ARSI: variants seen among roughly 807,000 people sequenced by gnomAD.
ARSI encodes arylsulfatase family member I.
ARSI carries 37 observed loss-of-function variants against 42.1 expected under a neutral mutation model. The ratio of observed to expected loss-of-function variants is 0.88; its 90% CI spans 0.68 to 1.16. The LOEUF (loss-of-function observed/expected upper bound fraction) is 1.16. Ranked by LOEUF, ARSI falls within the 50% of genes most tolerant of loss-of-function variation. The probability of loss-of-function intolerance (pLI) is 0.00; values close to 1 mark genes in which losing one functional copy is unlikely to be tolerated. For missense variants in ARSI, 725 were observed against 790.1 expected (o/e 0.92, Z 0.99); for synonymous variants, 305 against 320.3 (o/e 0.95, Z 0.51).
rs1757827868 is a variant in ARSI, at chr5:150,297,487, G to A, written c.1437C>T (p.Gly479=). The A allele has an allele frequency of 1.2e-6, 2 of 1,613,770 alleles. No homozygotes were observed. The highest frequency in any genetic ancestry group is 1.7e-6 in the Non-Finnish European group (2 of 1,179,858). Residue 479 remains glycine, a synonymous_variant, in exon 2 of 2, where the codon GGC becomes GGT. Coordinates refer to ENST00000328668, the MANE Select transcript of ARSI (RefSeq NM_001012301.4). The surrounding 1 kb of genome is among the most constrained non-coding windows in gnomAD (Gnocchi z 7.0). ...ADPYEREDLA[G]QRPDVVRTLL... ...GGGTGCGGACCACATCAGGCCGCTG[G>A]CCAGCCAGGTCCTCCCGTTCATAAG...
At position 150,302,436 on chromosome 5, in the gene ARSI, C is replaced by T. The variant is rs1757938847; in HGVS notation, c.-63G>A. 1 of 1,277,234 alleles carries T rather than the reference C, an allele frequency of 7.8e-7. No individual in the cohort carries two copies. The highest frequency in any genetic ancestry group is 3.9e-5 in the Admixed American group (1 of 25,326). 79.1% of individuals were successfully genotyped at this position (1,277,234 alleles called of 1,614,324 possible). A position where few individuals can be genotyped will look rare whatever the true frequency, so the allele number is the denominator to read the frequency against. On this transcript the variant is annotated 5_prime_UTR_variant, in exon 1 of 2. Coordinates refer to ENST00000328668, the MANE Select transcript of ARSI (RefSeq NM_001012301.4). The surrounding 1 kb of genome is among the most constrained non-coding windows in gnomAD (Gnocchi z 6.1). ...CTGGGGCCTCACCACCTCGCGCGCC[C>T]AGGGCGCACCACCGGCCCGCCGGCT...
intron 1 of ARSI, among the ~76,000 whole-genome samples, chr5:150,301,736 G>C (rs1757922225): frequency 6.6e-6 from 1 of 152,178 alleles, no homozygotes; most frequent in Non-Finnish European, 1.5e-5. Context: ...GACTTGCTCA[G>C]GGTCTCGGGG....
Position 150,298,030 on chromosome 5 carries a change from A to G in ARSI, c.894T>C (p.Asn298=), listed in dbSNP as rs77878118. 2.9e-3 allele frequency: 4,706 copies of G among 1,612,450 alleles called. 178 individuals are homozygous for G. In the East Asian group the frequency reaches 0.072, roughly 25 times the overall value. The change falls in exon 2 of 2, where the codon AAT becomes AAC. Residue 298 remains asparagine (N), a synonymous_variant. Coordinates refer to ENST00000328668, the MANE Select transcript of ARSI (RefSeq NM_001012301.4). ...NNSVIIFSSD[N]GGQTFSGGSN... is the part of the protein sequence containing the mutation. Reference sequence around the variant, plus strand: ...TGCCCCCCGAGAAAGTCTGGCCACCATTGTCACTGGAGAAGATGATGACAC... The same window carrying G: ...TGCCCCCCGAGAAAGTCTGGCCACCGTTGTCACTGGAGAAGATGATGACAC...
rs11956439 is a variant in ARSI at position 150,300,605 on chromosome 5, C to T, written c.311+1458G>A. Reference sequence around the variant, plus strand: ...TCACAAGAGAAACTTTGCCTCTCTCCAGTGTCACAAAACACAACTGGATGT... The same window carrying T: ...TCACAAGAGAAACTTTGCCTCTCTCTAGTGTCACAAAACACAACTGGATGT... On this transcript the variant is annotated intron_variant, in intron 1 of 1. Transcript: ENST00000328668. Among the ~76,000 whole-genome samples the T allele has an allele frequency of 8.5e-3, 1,292 of 152,262 alleles. 19 individuals carry two copies. Among genetic ancestry groups the T allele is most frequent in the African/African-American group, 0.029 (1,211 of 41,532 alleles).
At position 150,297,000 on chromosome 5, in the gene ARSI, C is replaced by T; in HGVS notation, c.*214G>A. On this transcript the variant is annotated 3_prime_UTR_variant, in exon 2 of 2. Coordinates refer to ENST00000328668, the MANE Select transcript of ARSI (RefSeq NM_001012301.4). ...ATGTGGGTCACCTGAGGTCACAGAG[C>T]AAGTCCGTGAGGAGGCAGGACTGAG... 1 of 483,636 alleles carries T rather than the reference C, an allele frequency of 2.1e-6. No homozygotes were observed. Among genetic ancestry groups the T allele is most frequent in the East Asian group, 3.4e-5 (1 of 29,470 alleles). The allele number at this position is 483,636 out of a possible 1,614,324, so 30.0% of individuals were successfully genotyped here. A position where few individuals can be genotyped will look rare whatever the true frequency, so the allele number is the denominator to read the frequency against.
chr5:150,300,970 G>C (rs1757910155), intron 1 of ARSI, among the ~76,000 whole-genome samples: 1 of 152,058 alleles, frequency 6.6e-6, no homozygotes, highest in Non-Finnish European at 1.5e-5. Flanking sequence ...CTGATTCCTG[G>C]ATCTAAACGC....
rs375260459 is a variant in ARSI, at chr5:150,301,008, C to T, written c.311+1055G>A. On this transcript the variant is annotated intron_variant, in intron 1 of 1. Coordinates refer to ENST00000328668, the MANE Select transcript of ARSI (RefSeq NM_001012301.4). ...GGTGCCAGATCGAAGGAACAAAGGA[C>T]GCCATTTGATGCCCAGCTCCGGGAC... Among the ~76,000 whole-genome samples, 38 of 152,274 alleles carry T rather than the reference C, an allele frequency of 2.5e-4. 1 individual carries two copies. Among genetic ancestry groups the T allele is most frequent in the African/African-American group, 8.9e-4 (37 of 41,562 alleles).
chr5:150,298,027 A>G lies in ARSI; in HGVS notation c.897T>C (p.Gly299=), dbSNP rs1168506183. ...TGCTGCCCCCCGAGAAAGTCTGGCC[A>G]CCATTGTCACTGGAGAAGATGATGA... The part of the protein sequence containing the change: ...NSVIIFSSDN[G]GQTFSGGSNW... The change falls in exon 2 of 2, where the codon GGT becomes GGC. Residue 299 remains glycine, a synonymous_variant. Coordinates refer to ENST00000328668, the MANE Select transcript of ARSI (RefSeq NM_001012301.4). 1 of 1,612,424 alleles carries G rather than the reference A, an allele frequency of 6.2e-7. No individual in the cohort carries two copies. The highest frequency in any genetic ancestry group is 1.3e-5 in the African/African-American group (1 of 74,806).
At position 150,297,204 on chromosome 5, in the gene ARSI, C is replaced by A; in HGVS notation, c.*10G>T. 6.5e-7 allele frequency: 1 copy of A among 1,547,990 alleles called. No individual in the cohort carries two copies. Among genetic ancestry groups the A allele is most frequent in the South Asian group, 1.3e-5 (1 of 78,702 alleles). On this transcript the variant is annotated 3_prime_UTR_variant, in exon 2 of 2. Transcript: ENST00000328668. This position sits in a 1 kb window ranked among gnomAD's most constrained non-coding sequence, Gnocchi z 7.0. ...GATCCTCTAAAGGACAGTTTTCTCC[C>A]TCCCCACCATCAGATCCGTTGGGAC...
In ARSI at chr5:150,296,460, AT is replaced by A. The variant is rs1484043292; in HGVS notation, c.*753del. 1.3e-5 allele frequency: 2 copies of A among 152,302 alleles called. No individual in the cohort carries two copies. The highest frequency in any genetic ancestry group is 2.9e-5 in the Non-Finnish European group (2 of 68,072). 9.4% of individuals were successfully genotyped at this position (152,302 alleles called of 1,614,324 possible). A position where few individuals can be genotyped will look rare whatever the true frequency, so the allele number is the denominator to read the frequency against. On this transcript the variant is annotated 3_prime_UTR_variant, in exon 2 of 2. Coordinates refer to ENST00000328668, the MANE Select transcript of ARSI (RefSeq NM_001012301.4). ...GGCATCCCCACTTGCAGGTGGGGAA[AT>A]CAAGGCCTAGAGGGCAAGAACTGTG... is the stretch of plus-strand genomic sequence containing the variant.
In ARSI at chr5:150,300,625, G is replaced by GT. The variant is rs1757903151; in HGVS notation, c.311+1437_311+1438insA. ...CTCTCCAGTGTCACAAAACACAACT[G>GT]GATGTGTTAACAAACACTAACGAGG... On this transcript the variant is annotated intron_variant, in intron 1 of 1. Transcript: ENST00000328668. Among the ~76,000 whole-genome samples the GT allele has an allele frequency of 7.2e-5, 11 of 152,168 alleles. 1 individual carries two copies. The highest frequency in any genetic ancestry group is 6.5e-4 in the Admixed American group (10 of 15,282).
intron 1 of ARSI, among the ~76,000 whole-genome samples, chr5:150,300,569 C>T (rs896557443): frequency 4.6e-5 from 7 of 152,218 alleles, no homozygotes; most frequent in Admixed American, 4.6e-4. Flanking sequence ...CAAAGCCCAC[C>T]TGCAAGTGAG....
chr5:150,299,315 T>C (rs745755163), intron 1 of ARSI, among the ~76,000 whole-genome samples: 1 of 152,356 alleles, frequency 6.6e-6, no homozygotes, highest in Non-Finnish European at 1.5e-5. Flanking sequence ...TAGTCACTTT[T>C]GCTTCTGGGT....
Position 150,298,223 on chromosome 5 carries a change from G to C in ARSI, c.701C>G (p.Ala234Gly). ...SPQRPLFLYV[A>G]FQAVHTPLQS... ...CAGGGGTGTGTGTACTGCCTGGAAG[G>C]CCACATAGAGGAAGAGGGGACGCTG... Residue 234 changes from alanine (A) to glycine (G), a missense_variant, in exon 2 of 2, where the codon GCC (alanine) becomes GGC (glycine). Ala to Gly is a moderately conservative substitution (Grantham distance 60). Coordinates refer to ENST00000328668, the MANE Select transcript of ARSI (RefSeq NM_001012301.4). 3.1e-6 allele frequency: 5 copies of C among 1,614,144 alleles called. No homozygotes were observed. Among genetic ancestry groups the C allele is most frequent in the Non-Finnish European group, 4.2e-6 (5 of 1,180,032 alleles).
rs1484585444 is a variant in ARSI at position 150,297,136 on chromosome 5, G to A, written c.*78C>T. 4 of 1,443,372 alleles carry A rather than the reference G, an allele frequency of 2.8e-6. No individual in the cohort carries two copies. The highest frequency in any genetic ancestry group is 1.8e-4 in the Middle Eastern group (1 of 5,476). 89.4% of individuals were successfully genotyped at this position (1,443,372 alleles called of 1,614,324 possible). A position where few individuals can be genotyped will look rare whatever the true frequency, so the allele number is the denominator to read the frequency against. On this transcript the variant is annotated 3_prime_UTR_variant, in exon 2 of 2. Transcript: ENST00000328668. This position sits in a 1 kb window ranked among gnomAD's most constrained non-coding sequence, Gnocchi z 7.0. ...ACTCCCTGTAGATGGAGATGTGACA[G>A]GCTTCTCCCTGAGAAACAGCAGGGC...
chr5:150,297,836 G>A lies in ARSI; in HGVS notation c.1088C>T (p.Ser363Leu). 1 of 1,610,190 alleles carries A rather than the reference G, an allele frequency of 6.2e-7. No homozygotes were observed. Among genetic ancestry groups the A allele is most frequent in the Non-Finnish European group, 8.5e-7 (1 of 1,178,340 alleles). ...GTAGCCATCTAGCCCATCGGCTGCT[G>A]AGGTGGTACCACCTGCCAGACCCAC... ...TLVGLAGGTT[S>L]AADGLDGYDV... The change falls in exon 2 of 2, where the codon TCA becomes TTA. Residue 363 changes from serine (S) to leucine (L), a missense_variant. Physicochemically the swap from Ser to Leu is moderately radical, Grantham distance 145 (BLOSUM62 -2). Coordinates refer to ENST00000328668, the MANE Select transcript of ARSI (RefSeq NM_001012301.4). The surrounding 1 kb of genome is among the most constrained non-coding windows in gnomAD (Gnocchi z 7.0).
Position 150,298,296 on chromosome 5 carries a change from T to C in ARSI, c.628A>G (p.Met210Val). 2 of 1,613,432 alleles carry C rather than the reference T, an allele frequency of 1.2e-6. No homozygotes were observed. The highest frequency in any genetic ancestry group is 1.7e-6 in the Non-Finnish European group (2 of 1,179,792). ...AWGLSGQYST[M>V]LYAQRASHIL... ...TGGCTGGCGCGCTGGGCATAAAGCA[T>C]AGTGGAGTACTGGCCGCTGAGCCCC... The change falls in exon 2 of 2, where the codon ATG becomes GTG. Residue 210 changes from methionine (M) to valine (V), a missense_variant. Transcript: ENST00000328668.
In ARSI at chr5:150,298,600, G is replaced by A. The variant is rs770342349; in HGVS notation, c.324C>T (p.His108=). 1 of 1,606,706 alleles carries A rather than the reference G, an allele frequency of 6.2e-7. No homozygotes were observed. Among genetic ancestry groups the A allele is most frequent in the Admixed American group, 1.7e-5 (1 of 59,780 alleles). Residue 108 remains histidine (H), a synonymous_variant, in exon 2 of 2, where the codon CAC becomes CAT. Coordinates refer to ENST00000328668, the MANE Select transcript of ARSI (RefSeq NM_001012301.4). ...SQLLTGRYQI[H]TGLQHSIIRP... is the part of the protein sequence containing the mutation. Reference sequence around the variant, plus strand: ...GGATGATGGAATGCTGGAGTCCTGTGTGGATCTGGTACCTGGTGGGGAGGA... The same window carrying A: ...GGATGATGGAATGCTGGAGTCCTGTATGGATCTGGTACCTGGTGGGGAGGA...
Position 150,297,820 on chromosome 5 carries a change from T to C in ARSI, c.1104A>G (p.Leu368=). ...AGGTTSAADG[L]DGYDVWPAIS... ...TGGCCGGCCACACGTCGTAGCCATC[T>C]AGCCCATCGGCTGCTGAGGTGGTAC... is the stretch of plus-strand genomic sequence containing the variant. Residue 368 remains leucine (L), a synonymous_variant, in exon 2 of 2, where the codon CTA becomes CTG. Transcript: ENST00000328668. The surrounding 1 kb of genome is among the most constrained non-coding windows in gnomAD (Gnocchi z 7.0). 1 of 1,608,588 alleles carries C rather than the reference T, an allele frequency of 6.2e-7. No individual in the cohort carries two copies.
Sources: allele counts gnomAD v4.1 joint callset (sites outside exome capture counted in the v4.1 genomes callset), GRCh38; gene constraint gnomAD v4.1.1; non-coding constraint Gnocchi (gnomAD v3.1); transcripts MANE v1.5; gene names NCBI Gene and HGNC (gene_info 2026-07-23, HGNC 2026-07-21).